Variants in AGAP1 observed in about 807,000 individuals in gnomAD.
AGAP1 encodes ArfGAP with GTPase domain, ankyrin repeat and PH domain 1, also known as arf-GAP with GTPase, ANK repeat and PH domain-containing protein 1.
In AGAP1, 29 loss-of-function variants were observed where a neutral mutation model predicts 105.3. That is an observed-to-expected ratio of 0.28 (90% CI 0.21 to 0.38). AGAP1 has a LOEUF of 0.38. AGAP1 is among the 10% of genes least tolerant of loss of function. The pLI is 1.00. For missense variants in AGAP1, 998 were observed against 1,165.1 expected (o/e 0.86, Z 2.09); for synonymous variants, 509 against 485.9 (o/e 1.05, Z -0.63).
Position 236,035,458 on chromosome 2 carries a change from C to G in AGAP1, c.1646-1103C>G, listed in dbSNP as rs1481330307. Among the ~76,000 whole-genome samples, 1 of 152,082 alleles carries G rather than the reference C, an allele frequency of 6.6e-6. No homozygotes were observed. Among genetic ancestry groups the G allele is most frequent in the Non-Finnish European group, 1.5e-5 (1 of 68,012 alleles). On this transcript the variant is annotated intron_variant, in intron 13 of 17. Coordinates refer to ENST00000304032, the MANE Select transcript of AGAP1 (RefSeq NM_001037131.3). This position sits in a 1 kb window ranked among gnomAD's most constrained non-coding sequence, Gnocchi z 4.2. ...AGACCAGCCTAGGGAGACACCATCT[C>G]TACAAAAAATGTCTAACAATTGGCC...
chr2:235,785,046 C>T (rs1445960426), intron 6 of AGAP1, among the ~76,000 whole-genome samples: 2 of 152,176 alleles, frequency 1.3e-5, no homozygotes, highest in East Asian at 1.9e-4. Context: ...ACAGGGCCAC[C>T]GCTGCTGGCT....
intron 13 of AGAP1, among the ~76,000 whole-genome samples, chr2:235,995,260 A>T (rs1432673592): frequency 6.6e-6 from 1 of 152,006 alleles, no homozygotes; most frequent in Non-Finnish European, 1.5e-5. Context: ...CATGCCTGTA[A>T]TCCCAACACT....
chr2:235,819,112 CTTTTCTTT>C (rs1468917733), intron 9 of AGAP1, among the ~76,000 whole-genome samples: 1 of 134,856 alleles, frequency 7.4e-6, no homozygotes, highest in Non-Finnish European at 1.6e-5. Flanking sequence ...CTTTTCTTTT[CTTTTCTTT>C]TTTTTTTTTT....
chr2:235,507,901 A>G (rs189103893), intron 1 of AGAP1, among the ~76,000 whole-genome samples: 46 of 152,200 alleles, frequency 3.0e-4, no homozygotes, highest in African/African-American at 1.1e-3. Context: ...GATTATTACA[A>G]CGCATAGTAA....
rs973290698 is a variant in AGAP1 at position 235,876,725 on chromosome 2, C to T, written c.1051-6620C>T. ...CACCTTGTCCCGATTTTACCTCCAGCGTGTTTCTTGCATCTGCGTTCTCCT... is the reference window on the plus strand; with the variant it reads ...CACCTTGTCCCGATTTTACCTCCAGTGTGTTTCTTGCATCTGCGTTCTCCT... On this transcript the variant is annotated intron_variant, in intron 9 of 17. Coordinates refer to ENST00000304032, the MANE Select transcript of AGAP1 (RefSeq NM_001037131.3). 8.5e-5 allele frequency among the ~76,000 whole-genome samples: 13 copies of T among 152,172 alleles called. 1 individual carries two copies. Among genetic ancestry groups the T allele is most frequent in the Admixed American group, 3.3e-4 (5 of 15,286 alleles).
At chr2:235,949,754 T>C (rs910377288) in intron 12 of AGAP1, among the ~76,000 whole-genome samples, 1 of 152,212 alleles carries the variant, frequency 6.6e-6, no homozygotes, top group Non-Finnish European at 1.5e-5. Context: ...ATAAACAGCC[T>C]TGGGGCTGAG....
chr2:235,750,603 G>T lies in AGAP1; in HGVS notation c.673+115G>T. The T allele has an allele frequency of 6.8e-7, 1 of 1,464,934 alleles. No homozygotes were observed. Among genetic ancestry groups the T allele is most frequent in the Non-Finnish European group, 9.5e-7 (1 of 1,057,844 alleles). The allele number at this position is 1,464,934 out of a possible 1,614,324, so 90.7% of individuals were successfully genotyped here. On this transcript the variant is annotated intron_variant, in intron 6 of 17. Coordinates refer to ENST00000304032, the MANE Select transcript of AGAP1 (RefSeq NM_001037131.3). This position sits in a 1 kb window ranked among gnomAD's most constrained non-coding sequence, Gnocchi z 5.3. ...GGTGGTGGAAATATGTCGTTGATGG[G>T]TGGGCATTAGTATCGAGAGCAGTCC...
chr2:235,878,860 T>C (rs2049874373), intron 9 of AGAP1, among the ~76,000 whole-genome samples: 1 of 152,206 alleles, frequency 6.6e-6, no homozygotes, highest in East Asian at 1.9e-4. Context: ...CTCACTTCTC[T>C]CCCTGCAAGG....
intron 10 of AGAP1, among the ~76,000 whole-genome samples, chr2:235,884,434 A>G (rs1314766317): frequency 6.8e-6 from 1 of 146,882 alleles, no homozygotes; most frequent in African/African-American, 2.5e-5. Flanking sequence ...TCACTGTTGT[A>G]TTAGGTTATT....
At chr2:235,731,681 G>A (rs1402745724) in intron 3 of AGAP1, among the ~76,000 whole-genome samples, 2 of 152,098 alleles carry the variant, frequency 1.3e-5, no homozygotes, top group African/African-American at 4.8e-5. Flanking sequence ...GCAGTCATTC[G>A]TTAATTTTTA....
In AGAP1 at chr2:235,957,173, T is replaced by C. The variant is rs1477888905; in HGVS notation, c.1484-11289T>C. On this transcript the variant is annotated intron_variant, in intron 12 of 17. Transcript: ENST00000304032. This position sits in a 1 kb window ranked among gnomAD's most constrained non-coding sequence, Gnocchi z 4.6. The stretch of plus-strand genomic sequence containing the variant: ...TGAATTGGTGGTCAGAATATGTACT[T>C]TTTTCTTTGTAAGGCTTTATAAACA... Among the ~76,000 whole-genome samples, 2 of 152,302 alleles carry C rather than the reference T, an allele frequency of 1.3e-5. No homozygotes were observed. Among genetic ancestry groups the C allele is most frequent in the South Asian group, 2.1e-4 (1 of 4,824 alleles).
rs1380487646 is a variant in AGAP1, at chr2:235,867,574, T to TGTGTGCGCGC, written c.1051-15770_1051-15769insTGTGCGCGCG. ...GTGTGTGTGTGTGTGTGTGTGTGTGTGCAAGTGAGGGAGGGTGACCCCCAC... is the reference window on the plus strand; with the variant it reads ...GTGTGTGTGTGTGTGTGTGTGTGTGTGTGTGCGCGCGCAAGTGAGGGAGGGTGACCCCCAC... On this transcript the variant is annotated intron_variant, in intron 9 of 17. Coordinates refer to ENST00000304032, the MANE Select transcript of AGAP1 (RefSeq NM_001037131.3). This position sits in a 1 kb window ranked among gnomAD's most constrained non-coding sequence, Gnocchi z 5.4. Among the ~76,000 whole-genome samples the TGTGTGCGCGC allele has an allele frequency of 6.8e-6, 1 of 147,702 alleles. No individual in the cohort carries two copies. The highest frequency in any genetic ancestry group is 2.2e-4 in the South Asian group (1 of 4,634).
intron 12 of AGAP1, among the ~76,000 whole-genome samples, chr2:235,939,728 A>G (rs1371022827): frequency 2.0e-5 from 3 of 152,014 alleles, no homozygotes; most frequent in Non-Finnish European, 4.4e-5. Context: ...CTGACTCCAC[A>G]TCTTGCTTGA....
chr2:236,115,595 T>C (rs1156900928), intron 16 of AGAP1, among the ~76,000 whole-genome samples: 1 of 152,122 alleles, frequency 6.6e-6, no homozygotes, highest in Non-Finnish European at 1.5e-5. Context: ...TGACATGCAT[T>C]AGTTTGCTGA....
At position 235,965,752 on chromosome 2, in the gene AGAP1, G is replaced by A. The variant is rs187250158; in HGVS notation, c.1484-2710G>A. 7.2e-3 allele frequency among the ~76,000 whole-genome samples: 1,092 copies of A among 152,240 alleles called. 10 individuals are homozygous for A. The highest frequency in any genetic ancestry group is 0.049 in the South Asian group (235 of 4,814). On this transcript the variant is annotated intron_variant, in intron 12 of 17. Transcript: ENST00000304032. This position sits in a 1 kb window ranked among gnomAD's most constrained non-coding sequence, Gnocchi z 5.8. ...TTGCTGTTGAGACTGTGGCTTCAAG[G>A]GTTAAGGAAATAACCCTTTAAGGAA... is the stretch of plus-strand genomic sequence containing the variant.
intron 1 of AGAP1, among the ~76,000 whole-genome samples, chr2:235,652,608 T>C (rs1947632467): frequency 6.6e-6 from 1 of 152,098 alleles, no homozygotes; most frequent in South Asian, 2.1e-4. Context: ...TAAGTGATCC[T>C]AGGCCGGGTG....
At chr2:235,710,475 C>T (rs577144315) in intron 2 of AGAP1, among the ~76,000 whole-genome samples, 125 of 152,172 alleles carry the variant, frequency 8.2e-4, no homozygotes, top group Non-Finnish European at 1.4e-3. Context: ...ATCAGCTGGG[C>T]CCATCTCCTT....
intron 12 of AGAP1, among the ~76,000 whole-genome samples, chr2:235,948,000 C>T (rs552287567): frequency 2.0e-5 from 3 of 152,182 alleles, no homozygotes; most frequent in African/African-American, 7.2e-5. Flanking sequence ...TGGGCTAGGC[C>T]GGCTAGGCCA....
rs148493422 is a variant in AGAP1, at chr2:235,720,346, G to GGT, written c.310+2708_310+2709dup. ...ATATAATTTACTGTGTTGTCACCTG[G>GGT]GTGTGTGGAGACTATCAAAGGGATG... is the stretch of plus-strand genomic sequence containing the variant. On this transcript the variant is annotated intron_variant, in intron 3 of 17. Coordinates refer to ENST00000304032, the MANE Select transcript of AGAP1 (RefSeq NM_001037131.3). The surrounding 1 kb of genome is among the most constrained non-coding windows in gnomAD (Gnocchi z 5.0). Among the ~76,000 whole-genome samples, 974 of 152,214 alleles carry GGT rather than the reference G, an allele frequency of 6.4e-3. 17 individuals are homozygous for GGT. The highest frequency in any genetic ancestry group is 0.022 in the African/African-American group (928 of 41,522).
Sources: gnomAD v4.1 joint callset for allele counts (sites outside exome capture counted in the v4.1 genomes callset) on GRCh38, gnomAD v4.1.1 for gene constraint, Gnocchi (gnomAD v3.1) non-coding constraint, MANE v1.5 for transcripts, NCBI Gene and HGNC (gene_info 2026-07-23, HGNC 2026-07-21) for gene names.